PTPRN2: variants seen among roughly 807,000 people sequenced by gnomAD.
PTPRN2 encodes the protein receptor-type tyrosine-protein phosphatase N2.
A neutral mutation model predicts 118.8 loss-of-function variants in PTPRN2; 74 were observed. That is an observed-to-expected ratio of 0.62 (90% CI 0.52 to 0.76). The LOEUF (loss-of-function observed/expected upper bound fraction) is 0.76, where lower values mean the gene tolerates loss of function less well. Among genes scored for constraint, PTPRN2 ranks in the 30% least tolerant of loss-of-function variants. The pLI is 0.00. For missense variants in PTPRN2, 1,481 were observed against 1,394.4 expected (o/e 1.06, Z -0.99); for synonymous variants, 641 against 608.0 (o/e 1.05, Z -0.80).
At chr7:158,172,409 C>T (rs1276824769) in intron 5 of PTPRN2, among the ~76,000 whole-genome samples, 2 of 152,122 alleles carry the variant, frequency 1.3e-5, no homozygotes, top group African/African-American at 4.8e-5. Flanking sequence ...AGTGTCACTG[C>T]CACCATCCAC....
At chr7:158,268,919 G>A (rs1798106761) in intron 3 of PTPRN2, among the ~76,000 whole-genome samples, 1 of 151,820 alleles carries the variant, frequency 6.6e-6, no homozygotes. Flanking sequence ...AAATATCCCA[G>A]CCGCGTGCAC....
At chr7:157,736,164 G>A (rs1010022393) in intron 12 of PTPRN2, among the ~76,000 whole-genome samples, 10 of 152,164 alleles carry the variant, frequency 6.6e-5, no homozygotes. Context: ...ACACCAGCCC[G>A]AGAACCTTCC....
rs373169972 is a variant in PTPRN2, at chr7:158,529,461, G to A, written c.113-39676C>T. ...GGACAGGGAAGGTGCTGCTGACCAC[G>A]GCCAGCAACGACGAGCCATGGTGAC... On this transcript the variant is annotated intron_variant, in intron 1 of 22. Coordinates refer to ENST00000389418, the MANE Select transcript of PTPRN2 (RefSeq NM_002847.5). The surrounding 1 kb of genome is among the most constrained non-coding windows in gnomAD (Gnocchi z 4.7). Among the ~76,000 whole-genome samples, 19 of 152,200 alleles carry A rather than the reference G, an allele frequency of 1.2e-4. 1 individual carries two copies. The highest frequency in any genetic ancestry group is 6.5e-4 in the Admixed American group (10 of 15,284).
chr7:157,988,633 C>T (rs1433181442), intron 11 of PTPRN2, among the ~76,000 whole-genome samples: 1 of 152,218 alleles, frequency 6.6e-6, no homozygotes, highest in Admixed American at 6.5e-5. Flanking sequence ...CTGCAAGCCC[C>T]AGGGAGCACA....
chr7:157,613,981 C>G (rs147999231), intron 15 of PTPRN2: 1 of 470,012 alleles, frequency 2.1e-6, no homozygotes, highest in Admixed American at 2.4e-5. Context: ...TGTGAGCTCA[C>G]AGGGCTGGCC....
At chr7:158,090,706 T>A (rs1297256241) in intron 10 of PTPRN2, among the ~76,000 whole-genome samples, 1 of 152,222 alleles carries the variant, frequency 6.6e-6, no homozygotes, top group Non-Finnish European at 1.5e-5. Flanking sequence ...CAGCCCTCCA[T>A]CAACCAGACT....
intron 5 of PTPRN2, among the ~76,000 whole-genome samples, chr7:158,175,603 C>A (rs551707715): frequency 1.3e-5 from 2 of 152,254 alleles, no homozygotes; most frequent in South Asian, 4.1e-4. Flanking sequence ...AGTGCTGTCG[C>A]CAAGACAAAA....
At position 157,903,689 on chromosome 7, in the gene PTPRN2, G is replaced by A. The variant is rs1797600684; in HGVS notation, c.1724-4952C>T. On this transcript the variant is annotated intron_variant, in intron 11 of 22. Coordinates refer to ENST00000389418, the MANE Select transcript of PTPRN2 (RefSeq NM_002847.5). The surrounding 1 kb of genome is among the most constrained non-coding windows in gnomAD (Gnocchi z 4.2). ...TAAAAGGTTTTAAGAGAGTACAAGG[G>A]ACAGTTTCATTCTCGAGCTAATCTG... Among the ~76,000 whole-genome samples, 1 of 151,874 alleles carries A rather than the reference G, an allele frequency of 6.6e-6. No individual in the cohort carries two copies. The highest frequency in any genetic ancestry group is 1.5e-5 in the Non-Finnish European group (1 of 67,972).
chr7:158,031,745 G>T (rs976028101), intron 11 of PTPRN2, among the ~76,000 whole-genome samples: 1 of 152,180 alleles, frequency 6.6e-6, no homozygotes, highest in African/African-American at 2.4e-5. Context: ...AAGAAGAAAG[G>T]TTAAGAGCTG....
At chr7:157,898,268 G>A (rs575421882) in intron 12 of PTPRN2, among the ~76,000 whole-genome samples, 28 of 152,344 alleles carry the variant, frequency 1.8e-4, no homozygotes, top group Middle Eastern at 3.4e-3. Context: ...TGCGTCCTTC[G>A]ATATTGAAGA....
chr7:158,347,026 C>A (rs1807563602), intron 2 of PTPRN2, among the ~76,000 whole-genome samples: 2 of 152,152 alleles, frequency 1.3e-5, no homozygotes, highest in East Asian at 1.9e-4. Flanking sequence ...GTACAGCTTG[C>A]AAATATTTTC....
chr7:158,295,196 C>A (rs1346921410), intron 3 of PTPRN2, among the ~76,000 whole-genome samples: 2 of 122,712 alleles, frequency 1.6e-5, no homozygotes, highest in African/African-American at 3.2e-5. Context: ...ACCTGCCTTT[C>A]TGAGGGTCTA....
intron 2 of PTPRN2, among the ~76,000 whole-genome samples, chr7:158,334,453 GGTGA>G (rs1805171644): frequency 1.6e-5 from 1 of 62,512 alleles, no homozygotes; most frequent in Non-Finnish European, 3.4e-5. Flanking sequence ...CACCATAAGA[GGTGA>G]CGCCCATAGA....
At chr7:158,568,571 A>G (rs1178303120) in intron 1 of PTPRN2, among the ~76,000 whole-genome samples, 2 of 152,202 alleles carry the variant, frequency 1.3e-5, no homozygotes, top group Non-Finnish European at 2.9e-5. Flanking sequence ...GACTTGTATT[A>G]CACAAAGCTG....
intron 11 of PTPRN2, among the ~76,000 whole-genome samples, chr7:157,983,456 T>C (rs10949679): frequency 0.82 from 110,925 of 135,466 alleles, 45,063 homozygotes; most frequent in African/African-American, 0.85. Context: ...GTGCGGGGTC[T>C]CCCCCAAAAC....
At chr7:158,494,377 G>T (rs1157076304) in intron 1 of PTPRN2, among the ~76,000 whole-genome samples, 1 of 152,268 alleles carries the variant, frequency 6.6e-6, no homozygotes, top group Non-Finnish European at 1.5e-5. Context: ...GGCAGAGAAA[G>T]GCTGTCATCA....
intron 12 of PTPRN2, among the ~76,000 whole-genome samples, chr7:157,747,822 CGTCCCTG>C: frequency 8.3e-6 from 1 of 120,566 alleles, no homozygotes; most frequent in African/African-American, 3.4e-5. Flanking sequence ...CTGAGGCCTG[CGTCCCTG>C]AGCTTTGGGC....
chr7:157,971,797 G>A (rs1248674746), intron 11 of PTPRN2, among the ~76,000 whole-genome samples: 1 of 152,212 alleles, frequency 6.6e-6, no homozygotes, highest in African/African-American at 2.4e-5. Flanking sequence ...ACTACTTGAA[G>A]TGAAGCAAAA....
chr7:157,940,735 C>A (rs1197299510), intron 11 of PTPRN2, among the ~76,000 whole-genome samples: 4 of 57,922 alleles, frequency 6.9e-5, no homozygotes, highest in Non-Finnish European at 1.1e-4. Flanking sequence ...TAACGCCCTG[C>A]CCCATGACAC....
Sources: gnomAD v4.1 joint callset for allele counts (sites outside exome capture counted in the v4.1 genomes callset) on GRCh38, gnomAD v4.1.1 for gene constraint, Gnocchi (gnomAD v3.1) non-coding constraint, MANE v1.5 for transcripts, NCBI Gene and HGNC (gene_info 2026-07-23, HGNC 2026-07-21) for gene names.